Variants in SPOCK3 observed in about 807,000 individuals in gnomAD.
SPOCK3 encodes testican-3.
In SPOCK3, 30 loss-of-function variants were observed where a neutral mutation model predicts 56.6. The observed-to-expected ratio is 0.53, with a 90% confidence interval of 0.40 to 0.72. The LOEUF is 0.72. Ranked by LOEUF, SPOCK3 falls within the 30% of genes least tolerant of loss-of-function variation. The pLI, the probability that SPOCK3 is intolerant of heterozygous loss-of-function variation, is 0.00. For synonymous variants in SPOCK3, 196 were observed against 183.3 expected (o/e 1.07, Z -0.56); for missense variants, 527 against 530.0 (o/e 0.99, Z 0.06).
intron 4 of SPOCK3, among the ~76,000 whole-genome samples, chr4:166,945,015 C>G (rs1022701824): frequency 6.6e-6 from 1 of 152,088 alleles, no homozygotes; most frequent in Admixed American, 6.6e-5. Flanking sequence ...TGTTGCAGAC[C>G]CTTCACGCTG....
chr4:166,769,266 A>C (rs1368669000), intron 7 of SPOCK3, among the ~76,000 whole-genome samples: 39 of 151,938 alleles, frequency 2.6e-4, no homozygotes, highest in Non-Finnish European at 2.9e-5. Flanking sequence ...AGGTGCTCTG[A>C]TTTTTAGTAT....
intron 5 of SPOCK3, among the ~76,000 whole-genome samples, chr4:166,910,091 T>A (rs1737097317): frequency 1.3e-5 from 2 of 152,156 alleles, no homozygotes; most frequent in Admixed American, 1.3e-4. Context: ...ACCTAAATCT[T>A]TACTGGGCTA....
At chr4:166,736,941 T>A (rs1734274205) in intron 10 of SPOCK3, among the ~76,000 whole-genome samples, 1 of 152,172 alleles carries the variant, frequency 6.6e-6, no homozygotes, top group Admixed American at 6.6e-5. Context: ...ATATTAGCTA[T>A]AATTCCCTTT....
intron 4 of SPOCK3, among the ~76,000 whole-genome samples, chr4:166,942,471 T>TA (rs5863849): frequency 0.013 from 1,545 of 121,784 alleles, 23 homozygotes; most frequent in African/African-American, 0.031. Context: ...GGCCTCCACT[T>TA]AAAAAAAAAA....
chr4:167,109,025 T>A (rs1238266073), intron 2 of SPOCK3, among the ~76,000 whole-genome samples: 1 of 88,476 alleles, frequency 1.1e-5, no homozygotes, highest in African/African-American at 4.9e-5. Flanking sequence ...TATATAAAAA[T>A]ATATATAAAT....
intron 4 of SPOCK3, among the ~76,000 whole-genome samples, chr4:166,949,265 T>C (rs1409697197): frequency 2.0e-5 from 3 of 152,178 alleles, no homozygotes; most frequent in Admixed American, 6.5e-5. Context: ...TCAAAGTTTT[T>C]AACTTCTTTG....
chr4:167,105,456 C>T (rs1328174055), intron 2 of SPOCK3, among the ~76,000 whole-genome samples: 1 of 42,570 alleles, frequency 2.3e-5, no homozygotes, highest in South Asian at 7.8e-4. Context: ...AACAAATACA[C>T]AAAAATTAAA....
intron 2 of SPOCK3, among the ~76,000 whole-genome samples, chr4:167,075,272 C>T (rs544701144): frequency 5.8e-4 from 88 of 151,866 alleles, no homozygotes; most frequent in African/African-American, 2.1e-3. Flanking sequence ...AATACAAAGG[C>T]AAATTCATTG....
chr4:166,900,652 C>T (rs779891230), intron 5 of SPOCK3, among the ~76,000 whole-genome samples: 2 of 152,160 alleles, frequency 1.3e-5, no homozygotes, highest in African/African-American at 2.4e-5. Flanking sequence ...TTGTGGATCA[C>T]GCTGCTCTTT....
intron 4 of SPOCK3, among the ~76,000 whole-genome samples, chr4:166,952,928 T>C (rs1257245793): frequency 6.6e-6 from 1 of 150,640 alleles, no homozygotes; most frequent in Non-Finnish European, 1.5e-5. Flanking sequence ...TATACAAAAA[T>C]CAATTCAAGA....
chr4:167,193,316 T>A (rs578176972), intron 2 of SPOCK3, among the ~76,000 whole-genome samples: 2 of 146,006 alleles, frequency 1.4e-5, no homozygotes, highest in African/African-American at 5.2e-5. Flanking sequence ...GTTAGTACCA[T>A]GAGGTTTACA....
intron 2 of SPOCK3, among the ~76,000 whole-genome samples, chr4:167,120,074 T>A (rs899204720): frequency 1.3e-5 from 2 of 152,112 alleles, no homozygotes; most frequent in Admixed American, 1.3e-4. Context: ...ATAAACAATG[T>A]ACACATACAT....
chr4:166,937,294 G>T (rs1313671258), intron 4 of SPOCK3, among the ~76,000 whole-genome samples: 1 of 151,364 alleles, frequency 6.6e-6, no homozygotes, highest in Non-Finnish European at 1.5e-5. Context: ...TTTTTCCCAG[G>T]ATTACCATGG....
intron 4 of SPOCK3, among the ~76,000 whole-genome samples, chr4:166,993,204 T>C (rs559722628): frequency 4.6e-5 from 7 of 152,184 alleles, no homozygotes; most frequent in Non-Finnish European, 1.0e-4. Context: ...GGAGGGTTCC[T>C]GCTAAGCAGA....
intron 2 of SPOCK3, among the ~76,000 whole-genome samples, chr4:167,132,514 A>C (rs1762784492): frequency 6.6e-6 from 1 of 152,196 alleles, no homozygotes; most frequent in Non-Finnish European, 1.5e-5. Flanking sequence ...AATCTCCTTT[A>C]AAAAGTCCTT....
intron 4 of SPOCK3, among the ~76,000 whole-genome samples, chr4:166,968,752 C>T (rs1220668665): frequency 2.6e-5 from 4 of 152,346 alleles, no homozygotes; most frequent in East Asian, 1.9e-4. Flanking sequence ...GGGGTTGGAA[C>T]CCACACAAAG....
rs199556067 is a variant in SPOCK3, at chr4:166,962,696, C to T, written c.350+37653G>A. ...AAAACTACTTATGTCACCATTTTCA[C>T]GACTTCCATAGACCCTACAAGGTCT... On this transcript the variant is annotated intron_variant, in intron 4 of 10. Coordinates refer to ENST00000357545, the MANE Select transcript of SPOCK3 (RefSeq NM_001040159.2). Among the ~76,000 whole-genome samples the T allele has an allele frequency of 2.6e-5, 4 of 152,170 alleles. No homozygotes were observed. The East Asian group carries it at 5.8e-4, about 22-fold the overall frequency.
At chr4:166,806,441 T>C (rs1743173342) in intron 6 of SPOCK3, among the ~76,000 whole-genome samples, 1 of 152,116 alleles carries the variant, frequency 6.6e-6, no homozygotes, top group Non-Finnish European at 1.5e-5. Context: ...TTGATGCTTC[T>C]ATTTTGCATG....
chr4:166,749,328 T>A (rs1736056151), intron 8 of SPOCK3, among the ~76,000 whole-genome samples: 1 of 119,394 alleles, frequency 8.4e-6, no homozygotes, highest in Non-Finnish European at 1.7e-5. Context: ...TGAGTTCATG[T>A]CCTTTGTAGG....
Sources: allele counts gnomAD v4.1 joint callset (sites outside exome capture counted in the v4.1 genomes callset), GRCh38; gene constraint gnomAD v4.1.1; transcripts MANE v1.5; gene names NCBI Gene and HGNC (gene_info 2026-07-23, HGNC 2026-07-21).